The following USP10 variants were observed in gnomAD, a reference collection of about 807,000 sequenced individuals.
USP10 encodes the protein ubiquitin carboxyl-terminal hydrolase 10.
USP10 carries 22 observed loss-of-function variants against 84.5 expected under a neutral mutation model. That is an observed-to-expected ratio of 0.26 (90% CI 0.19 to 0.37). The LOEUF (loss-of-function observed/expected upper bound fraction) is 0.37. Ranked by LOEUF, USP10 falls within the 10% of genes least tolerant of loss-of-function variation. The pLI, the probability that USP10 is intolerant of heterozygous loss-of-function variation, is 1.00. For synonymous variants in USP10, 454 were observed against 387.6 expected (o/e 1.17, Z -2.01); for missense variants, 1,019 against 998.9 (o/e 1.02, Z -0.27).
intron 4 of USP10, among the ~76,000 whole-genome samples, chr16:84,751,185 G>A (rs1299162496): frequency 6.6e-6 from 1 of 152,222 alleles, no homozygotes; most frequent in Admixed American, 6.5e-5. Context: ...CGGGTTTGTA[G>A]CTTAGGAGCA....
At chr16:84,730,357 T>G (rs2150794528) in intron 1 of USP10, among the ~76,000 whole-genome samples, 1 of 152,302 alleles carries the variant, frequency 6.6e-6, no homozygotes, top group East Asian at 1.9e-4. Flanking sequence ...TACCTAAAGT[T>G]CTTCCTCATT....
chr16:84,774,979 C>T lies in USP10; in HGVS notation c.2144-181C>T, dbSNP rs563216254. 2.6e-4 allele frequency among the ~76,000 whole-genome samples: 39 copies of T among 152,280 alleles called. No individual in the cohort carries two copies. The Middle Eastern group carries it at 0.01, about 40-fold the overall frequency. The stretch of plus-strand genomic sequence containing the variant: ...TGGCTGCACATTTTGTGTCCTATTA[C>T]GTCACATGGCTCATTTCCTTCATGA... On this transcript the variant is annotated intron_variant, in intron 12 of 13. Transcript: ENST00000219473.
At chr16:84,718,353 A>C (rs1291270270) in intron 1 of USP10, among the ~76,000 whole-genome samples, 3 of 152,228 alleles carry the variant, frequency 2.0e-5, no homozygotes, top group Non-Finnish European at 4.4e-5. Context: ...TTATTGGCTC[A>C]AGGGATCCTC....
chr16:84,720,069 G>C (rs1907582011), intron 1 of USP10, among the ~76,000 whole-genome samples: 1 of 152,236 alleles, frequency 6.6e-6, no homozygotes, highest in African/African-American at 2.4e-5. Flanking sequence ...ACCGGAAGGA[G>C]AGGAGTCTAT....
At chr16:84,753,195 G>C (rs371585077) in intron 4 of USP10, among the ~76,000 whole-genome samples, 68 of 152,164 alleles carry the variant, frequency 4.5e-4, no homozygotes, top group African/African-American at 1.6e-3. Flanking sequence ...GGCCCAGGCT[G>C]ATCTTGGAAC....
rs993582082 is a variant in USP10 at position 84,779,540 on chromosome 16, CAAAG to C, written c.*461_*464del. ...TAAATGATAAAAATGAGCCAGTTAT[CAAAG>C]AAGAACTAGTTCTTACTTCAAAAGA... On this transcript the variant is annotated 3_prime_UTR_variant, in exon 14 of 14. Transcript: ENST00000219473. The C allele has an allele frequency of 1.3e-5, 2 of 152,938 alleles. No individual in the cohort carries two copies. The highest frequency in any genetic ancestry group is 4.8e-5 in the African/African-American group (2 of 41,414). The allele number at this position is 152,938 out of a possible 1,614,324, so 9.5% of individuals were successfully genotyped here.
intron 4 of USP10, among the ~76,000 whole-genome samples, chr16:84,752,464 G>A (rs917890773): frequency 6.6e-6 from 1 of 152,158 alleles, no homozygotes. Context: ...TTGGTGGCCC[G>A]CCTTCCTCAT....
chr16:84,700,043 C>G lies in USP10; in HGVS notation c.-48C>G, dbSNP rs1460023487. On this transcript the variant is annotated 5_prime_UTR_variant, in exon 1 of 14. Coordinates refer to ENST00000219473, the MANE Select transcript of USP10 (RefSeq NM_005153.3). ...GAGAAGATGGCGGCGGCGGGGGAAGCAGCGTGAGCAGCCGGAGGATCGCGG... is the reference window on the plus strand; with the variant it reads ...GAGAAGATGGCGGCGGCGGGGGAAGGAGCGTGAGCAGCCGGAGGATCGCGG... 22 of 1,352,062 alleles carry G rather than the reference C, an allele frequency of 1.6e-5. No homozygotes were observed. The highest frequency in any genetic ancestry group is 2.0e-5 in the Non-Finnish European group (21 of 1,029,742). The allele number at this position is 1,352,062 out of a possible 1,614,324, so 83.8% of individuals were successfully genotyped here. A position where few individuals can be genotyped will look rare whatever the true frequency, so the allele number is the denominator to read the frequency against.
chr16:84,762,848 A>G (rs895001079), intron 8 of USP10, 141 bp from the exon 9 acceptor site: 1 of 519,574 alleles, frequency 1.9e-6, no homozygotes, highest in Non-Finnish European at 3.5e-6. Context: ...AGGGAAACCC[A>G]TGTCATCATG....
intron 11 of USP10, among the ~76,000 whole-genome samples, chr16:84,771,511 CA>C (rs1472976771): frequency 6.6e-6 from 1 of 151,974 alleles, no homozygotes; most frequent in Admixed American, 6.6e-5. Context: ...AACAAACAAA[CA>C]AAAAAACCCA....
At chr16:84,704,718 C>A in intron 1 of USP10, 1 of 1,501,710 alleles carries the variant, frequency 6.7e-7, no homozygotes, top group Non-Finnish European at 8.9e-7. Context: ...TCTGAACTGG[C>A]TATTTTCTGG....
intron 2 of USP10, among the ~76,000 whole-genome samples, chr16:84,735,125 G>C (rs999037536): frequency 6.6e-6 from 1 of 151,514 alleles, no homozygotes; most frequent in Non-Finnish European, 1.5e-5. Context: ...CCCCCGCCCC[G>C]CCTCAGGGGG....
chr16:84,715,868 T>G (rs189575201), intron 1 of USP10, among the ~76,000 whole-genome samples: 21 of 152,312 alleles, frequency 1.4e-4, no homozygotes, highest in Middle Eastern at 3.4e-3. Context: ...CCAGGGCTAG[T>G]TTCCCCCACG....
intron 1 of USP10, among the ~76,000 whole-genome samples, chr16:84,725,851 C>G (rs185253684): frequency 5.1e-4 from 78 of 152,332 alleles, no homozygotes; most frequent in African/African-American, 1.8e-3. Flanking sequence ...GCCAAACAGT[C>G]TATTGCTCTT....
rs753487220 is a variant in USP10 at position 84,775,206 on chromosome 16, A to G, written c.2190A>G (p.Arg730=). ...GVKNKNFKCH[R]TYRLFAVVYH... is the part of the protein sequence containing the mutation. ...AAAATAAGAATTTTAAATGCCACCG[A>G]ACCTATCGGCTCTTTGCAGGTGAGT... Residue 730 remains arginine (R), a synonymous_variant, in exon 13 of 14, where the codon CGA becomes CGG. Coordinates refer to ENST00000219473, the MANE Select transcript of USP10 (RefSeq NM_005153.3). The G allele has an allele frequency of 6.2e-7, 1 of 1,613,772 alleles. No individual in the cohort carries two copies. The highest frequency in any genetic ancestry group is 2.2e-5 in the East Asian group (1 of 44,882).
chr16:84,767,512 C>T (rs1000897274), intron 10 of USP10, among the ~76,000 whole-genome samples: 1 of 152,120 alleles, frequency 6.6e-6, no homozygotes, highest in Non-Finnish European at 1.5e-5. Flanking sequence ...CATTAAAAAT[C>T]CTCTATTTAC....
chr16:84,743,853 ACTTTTT>A (rs1432777724), intron 3 of USP10, among the ~76,000 whole-genome samples: 2 of 152,208 alleles, frequency 1.3e-5, no homozygotes, highest in Non-Finnish European at 2.9e-5. Flanking sequence ...CACAATTCTA[ACTTTTT>A]CTTTTGGTAT....
chr16:84,738,379 C>G (rs1408010654), intron 2 of USP10, among the ~76,000 whole-genome samples: 1 of 152,116 alleles, frequency 6.6e-6, no homozygotes, highest in African/African-American at 2.4e-5. Context: ...AGGGGGCATC[C>G]TAGTGTCATT....
rs201719300 is a variant in USP10 at position 84,763,083 on chromosome 16, A to G, written c.1649A>G (p.Asn550Ser). 6.0e-5 allele frequency: 97 copies of G among 1,608,658 alleles called. 1 individual carries two copies. The highest frequency in any genetic ancestry group is 2.3e-4 in the Admixed American group (14 of 59,832). ...LNLKKLLSPS[N>S]EKLTISNGPK... is the part of the protein sequence containing the mutation. ...CTAAAGAAGCTTCTCTCACCAAGTAATGAAAGTAGGTTATGGTCCACTTGC... is the reference window on the plus strand; with the variant it reads ...CTAAAGAAGCTTCTCTCACCAAGTAGTGAAAGTAGGTTATGGTCCACTTGC... Residue 550 changes from asparagine (N) to serine (S), a missense_variant, in exon 9 of 14, where the codon AAT (asparagine) becomes AGT (serine). Coordinates refer to ENST00000219473, the MANE Select transcript of USP10 (RefSeq NM_005153.3).
Sources: allele counts gnomAD v4.1 joint callset (sites outside exome capture counted in the v4.1 genomes callset), GRCh38; gene constraint gnomAD v4.1.1; transcripts MANE v1.5; gene names NCBI Gene and HGNC (gene_info 2026-07-23, HGNC 2026-07-21).